SLC8A3: variants seen among roughly 807,000 people sequenced by gnomAD.
The protein encoded by SLC8A3 is sodium/calcium exchanger 3.
Under a neutral mutation model 65.4 loss-of-function variants are expected in SLC8A3, and 37 were observed. That is an observed-to-expected ratio of 0.57 (90% confidence interval 0.44 to 0.74). The LOEUF (loss-of-function observed/expected upper bound fraction) is 0.74, where lower values mean the gene tolerates loss of function less well. Among genes scored for constraint, SLC8A3 ranks in the 30% least tolerant of loss-of-function variants. The pLI, the probability that SLC8A3 is intolerant of heterozygous loss-of-function variation, is 0.00. For missense variants in SLC8A3, 1,112 were observed against 1,172.1 expected (o/e 0.95, Z 0.75); for synonymous variants, 461 against 444.5 (o/e 1.04, Z -0.47).
intron 2 of SLC8A3, among the ~76,000 whole-genome samples, chr14:70,068,474 C>T (rs1429731355): frequency 6.6e-6 from 1 of 152,128 alleles, no homozygotes; most frequent in Non-Finnish European, 1.5e-5. Flanking sequence ...AACTCCTGTG[C>T]TCAGGCCGTC....
In SLC8A3 at chr14:70,073,116, CCTT is replaced by C. The variant is rs1465385223; in HGVS notation, c.1785-12180_1785-12178del. On this transcript the variant is annotated intron_variant, in intron 2 of 6. Transcript: ENST00000356921. ...ACTCTTCCATAATAAAGATTTCCCT[CCTT>C]CTTTGCTGCCCTATGGTGGGAAGTG... Among the ~76,000 whole-genome samples the C allele has an allele frequency of 1.1e-4, 16 of 152,200 alleles. No homozygotes were observed. The East Asian group carries it at 3.1e-3, about 29-fold the overall frequency.
intron 2 of SLC8A3, among the ~76,000 whole-genome samples, chr14:70,061,241 G>A (rs572563060): frequency 5.9e-5 from 9 of 152,290 alleles, no homozygotes; most frequent in Admixed American, 2.6e-4. Context: ...GGCAGAAGGC[G>A]GGTAATGGTG....
Position 70,168,153 on chromosome 14 carries a change from C to T in SLC8A3, c.270G>A (p.Gly90=). The T allele has an allele frequency of 2.5e-6, 4 of 1,614,074 alleles. No individual in the cohort carries two copies. The highest frequency in any genetic ancestry group is 3.4e-6 in the Non-Finnish European group (4 of 1,180,012). Residue 90 remains glycine (G), a synonymous_variant, in exon 2 of 7, where the codon GGG becomes GGA. Coordinates refer to ENST00000356921, the MANE Select transcript of SLC8A3 (RefSeq NM_182932.3). ...TGAAGCGGTCAGCAATGATGGACAC[C>T]CCAAGGAACATGTATATCAGGGCCA... The part of the protein sequence containing the change: ...YFVALIYMFL[G]VSIIADRFMA...
intron 1 of SLC8A3, among the ~76,000 whole-genome samples, chr14:70,186,814 T>C (rs1401576909): frequency 6.6e-6 from 1 of 152,120 alleles, no homozygotes; most frequent in Non-Finnish European, 1.5e-5. Context: ...ATCCAGCCAG[T>C]GACGCCAGCA....
intron 1 of SLC8A3, among the ~76,000 whole-genome samples, chr14:70,169,694 G>GC (rs1303242073): frequency 7.5e-6 from 1 of 132,778 alleles, no homozygotes; most frequent in East Asian, 2.2e-4. Flanking sequence ...AAAAAAGTGG[G>GC]GGGGGGGGCG....
chr14:70,155,747 T>C (rs2140323238), intron 2 of SLC8A3, among the ~76,000 whole-genome samples: 1 of 152,372 alleles, frequency 6.6e-6, no homozygotes, highest in East Asian at 1.9e-4. Flanking sequence ...CTTTCCAGCA[T>C]GTTCTGATCC....
At chr14:70,184,502 C>T (rs1358657355) in intron 1 of SLC8A3, among the ~76,000 whole-genome samples, 1 of 152,170 alleles carries the variant, frequency 6.6e-6, no homozygotes, top group East Asian at 1.9e-4. Flanking sequence ...ATAACACTTT[C>T]TCCCTCCACT....
intron 2 of SLC8A3, among the ~76,000 whole-genome samples, chr14:70,077,518 T>A (rs1033160160): frequency 1.3e-5 from 2 of 152,268 alleles, no homozygotes. Context: ...TGTTTTTATC[T>A]CCATGGGGGT....
intron 2 of SLC8A3, among the ~76,000 whole-genome samples, chr14:70,139,309 C>A (rs188096281): frequency 6.6e-6 from 1 of 152,274 alleles, no homozygotes; most frequent in African/African-American, 2.4e-5. Flanking sequence ...GGGGTGCCAG[C>A]AAAATTGTTC....
chr14:70,114,232 T>G (rs1051983519), intron 2 of SLC8A3, among the ~76,000 whole-genome samples: 1 of 152,200 alleles, frequency 6.6e-6, no homozygotes, highest in Non-Finnish European at 1.5e-5. Context: ...GCTTCAGCAC[T>G]GTTGACATCT....
chr14:70,187,601 GT>G (rs1035417386), intron 1 of SLC8A3, among the ~76,000 whole-genome samples: 9 of 48,286 alleles, frequency 1.9e-4, no homozygotes, highest in Non-Finnish European at 3.8e-4. Flanking sequence ...GGCTTTGACT[GT>G]GTGTGTGTGT....
intron 1 of SLC8A3, among the ~76,000 whole-genome samples, chr14:70,172,728 T>C (rs2140399926): frequency 6.7e-6 from 1 of 149,724 alleles, no homozygotes; most frequent in African/African-American, 2.5e-5. Flanking sequence ...AAAGGTACAA[T>C]CTAGCAGAAG....
At chr14:70,179,903 T>C (rs972678132) in intron 1 of SLC8A3, among the ~76,000 whole-genome samples, 2 of 152,218 alleles carry the variant, frequency 1.3e-5, no homozygotes, top group Non-Finnish European at 2.9e-5. Context: ...CAATAAATAA[T>C]GGAGCCAGAA....
Position 70,167,976 on chromosome 14 carries a change from G to T in SLC8A3, c.447C>A (p.Leu149=). 1 of 1,614,136 alleles carries T rather than the reference G, an allele frequency of 6.2e-7. No individual in the cohort carries two copies. The highest frequency in any genetic ancestry group is 8.5e-7 in the Non-Finnish European group (1 of 1,180,002). ...GACCACACACCTCAATTAAAGAGAG[G>T]AGTATCTCAGGAGCAGAGGAACCCA... ...MALGSSAPEI[L]LSLIEVCGHG... is the part of the protein sequence containing the mutation. The change falls in exon 2 of 7, where the codon CTC becomes CTA. Residue 149 remains leucine, a synonymous_variant. Transcript: ENST00000356921.
At chr14:70,125,293 C>T (rs1421316300) in intron 2 of SLC8A3, among the ~76,000 whole-genome samples, 2 of 152,060 alleles carry the variant, frequency 1.3e-5, no homozygotes, top group African/African-American at 2.4e-5. Flanking sequence ...ACGTTGTACT[C>T]ATTAAGTAAT....
At chr14:70,131,628 C>T (rs1312477435) in intron 2 of SLC8A3, among the ~76,000 whole-genome samples, 2 of 152,218 alleles carry the variant, frequency 1.3e-5, no homozygotes, top group African/African-American at 4.8e-5. Context: ...AATTCAAGTG[C>T]TCCTGATTTC....
In SLC8A3 at chr14:70,046,007, C is replaced by G. The variant is rs1420671788; in HGVS notation, c.2706G>C (p.Leu902=). 2 of 1,612,834 alleles carry G rather than the reference C, an allele frequency of 1.2e-6. No individual in the cohort carries two copies. Among genetic ancestry groups the G allele is most frequent in the African/African-American group, 2.7e-5 (2 of 74,916 alleles). The stretch of plus-strand genomic sequence containing the variant: ...TGGCAAAGAGTATGTAGAGGAGCCA[C>G]AGGCTCACAAAGAGCCATGTTGTGG... ...KLATTWLFVS[L]WLLYILFATL... is the part of the protein sequence containing the mutation. Residue 902 remains leucine (L), a synonymous_variant, in exon 7 of 7, where the codon CTG becomes CTC. Coordinates refer to ENST00000356921, the MANE Select transcript of SLC8A3 (RefSeq NM_182932.3). This position sits in a 1 kb window ranked among gnomAD's most constrained non-coding sequence, Gnocchi z 4.2.
intron 2 of SLC8A3, among the ~76,000 whole-genome samples, chr14:70,119,676 T>C (rs983724063): frequency 1.3e-5 from 2 of 152,234 alleles, no homozygotes; most frequent in Non-Finnish European, 2.9e-5. Context: ...AGCCTGAATT[T>C]TGGATTTGCT....
At chr14:70,106,522 T>C (rs1469385401) in intron 2 of SLC8A3, among the ~76,000 whole-genome samples, 2 of 152,138 alleles carry the variant, frequency 1.3e-5, no homozygotes, top group Non-Finnish European at 2.9e-5. Context: ...AACTCTGTTT[T>C]ACTTATTTTA....
Sources: allele counts gnomAD v4.1 joint callset (sites outside exome capture counted in the v4.1 genomes callset), GRCh38; gene constraint gnomAD v4.1.1; non-coding constraint Gnocchi (gnomAD v3.1); transcripts MANE v1.5; gene names NCBI Gene and HGNC (gene_info 2026-07-23, HGNC 2026-07-21).